The following PCDHA10 variants were observed in gnomAD, a reference collection of about 807,000 sequenced individuals.
PCDHA10 encodes the protein protocadherin alpha 10.
PCDHA10 carries 45 observed loss-of-function variants against 61.2 expected under a neutral mutation model. The ratio of observed to expected loss-of-function variants is 0.74; its 90% CI spans 0.58 to 0.94. The LOEUF (loss-of-function observed/expected upper bound fraction) is 0.94. PCDHA10 is among the 40% of genes least tolerant of loss of function. The pLI is 0.00. For missense variants in PCDHA10, 1,278 were observed against 1,236.2 expected (o/e 1.03, Z -0.51); for synonymous variants, 602 against 548.8 (o/e 1.10, Z -1.35).
chr5:140,919,666 A>G (rs1247598579), intron 1 of PCDHA10, among the ~76,000 whole-genome samples: 1 of 152,154 alleles, frequency 6.6e-6, no homozygotes. Context: ...TATATATTTT[A>G]GCTTATTGGT....
At chr5:140,870,524 TCA>T (rs782755570) in intron 1 of PCDHA10, 1 of 1,614,194 alleles carries the variant, frequency 6.2e-7, no homozygotes, top group Non-Finnish European at 8.5e-7. Context: ...TGCCACATCT[TCA>T]CAGTGTCGGC....
intron 1 of PCDHA10, chr5:140,875,640 G>A (rs782266115): frequency 2.5e-6 from 4 of 1,613,688 alleles, no homozygotes; most frequent in Non-Finnish European, 3.4e-6. Context: ...GGCTGGAGCT[G>A]GCGGAGCTGG....
chr5:140,972,540 T>G (rs1375467339), intron 1 of PCDHA10, among the ~76,000 whole-genome samples: 2 of 152,148 alleles, frequency 1.3e-5, no homozygotes, highest in Non-Finnish European at 2.9e-5. Flanking sequence ...AAATCACTTG[T>G]GCAGTGAGGA....
chr5:140,936,987 T>A (rs996790487), intron 1 of PCDHA10, among the ~76,000 whole-genome samples: 1 of 152,170 alleles, frequency 6.6e-6, no homozygotes, highest in Non-Finnish European at 1.5e-5. Flanking sequence ...CTTGTTAACA[T>A]TGACAATATT....
chr5:140,942,443 A>G (rs1204508547), intron 1 of PCDHA10, among the ~76,000 whole-genome samples: 2 of 152,100 alleles, frequency 1.3e-5, no homozygotes, highest in African/African-American at 4.8e-5. Flanking sequence ...ATAAACAAGT[A>G]AACTATCAAT....
At chr5:140,998,522 A>G (rs2097818629) in intron 3 of PCDHA10, among the ~76,000 whole-genome samples, 1 of 151,980 alleles carries the variant, frequency 6.6e-6, no homozygotes, top group South Asian at 2.1e-4. Context: ...TATTATTCAT[A>G]TTTATATCCC....
intron 1 of PCDHA10, among the ~76,000 whole-genome samples, chr5:140,934,143 A>T (rs1335256190): frequency 6.6e-6 from 1 of 152,000 alleles, no homozygotes; most frequent in Non-Finnish European, 1.5e-5. Context: ...TTCCTTCCTT[A>T]TATGTTTATA....
chr5:140,961,760 A>G (rs1563318527), intron 1 of PCDHA10, among the ~76,000 whole-genome samples: 3 of 152,172 alleles, frequency 2.0e-5, no homozygotes. Context: ...TTTTGAAGGA[A>G]TTTATATCAA....
At chr5:140,990,778 T>C (rs2097414170) in intron 3 of PCDHA10, among the ~76,000 whole-genome samples, 1 of 152,208 alleles carries the variant, frequency 6.6e-6, no homozygotes, top group South Asian at 2.1e-4. Flanking sequence ...GGCTCTGTGT[T>C]GGACGATGAA....
intron 1 of PCDHA10, among the ~76,000 whole-genome samples, chr5:140,895,037 C>G (rs28619398): frequency 6.6e-6 from 1 of 152,134 alleles, no homozygotes; most frequent in Non-Finnish European, 1.5e-5. Context: ...TTGTCCCCCA[C>G]CCACACCATT....
rs187844001 is a variant in PCDHA10 at position 140,981,487 on chromosome 5, T to C, written c.2448-988T>C. On this transcript the variant is annotated intron_variant, in intron 2 of 3. Coordinates refer to ENST00000307360, the MANE Select transcript of PCDHA10 (RefSeq NM_018901.4). ...TACTTGGGAGGCTGAGGCAGGAGAA[T>C]TGCTTGAACCTGGGAGGCAGAGGTT... Among the ~76,000 whole-genome samples the C allele has an allele frequency of 5.5e-3, 843 of 152,250 alleles. 8 individuals carry two copies. Among genetic ancestry groups the C allele is most frequent in the African/African-American group, 0.019 (806 of 41,542 alleles).
In PCDHA10 at chr5:140,876,844, C is replaced by A. The variant is rs200154646; in HGVS notation, c.2388+18408C>A. ...CGACAATGCGCCTGCGTTCGCGCAGCCCGAGTACACAGTGTTCGTGAAGGA... is the reference window on the plus strand; with the variant it reads ...CGACAATGCGCCTGCGTTCGCGCAGACCGAGTACACAGTGTTCGTGAAGGA... On this transcript the variant is annotated intron_variant, in intron 1 of 3. Coordinates refer to ENST00000307360, the MANE Select transcript of PCDHA10 (RefSeq NM_018901.4). The A allele has an allele frequency of 3.6e-5, 58 of 1,614,134 alleles. No homozygotes were observed. In the East Asian group the frequency reaches 1.2e-3, roughly 32 times the overall value.
At chr5:140,926,165 T>A (rs570168495) in intron 1 of PCDHA10, among the ~76,000 whole-genome samples, 31 of 151,794 alleles carry the variant, frequency 2.0e-4, no homozygotes, top group Admixed American at 1.5e-3. Flanking sequence ...TGCAGCAGGA[T>A]CCAGCGCGGA....
intron 1 of PCDHA10, among the ~76,000 whole-genome samples, chr5:140,963,754 T>C (rs190216638): frequency 2.3e-4 from 35 of 152,374 alleles, no homozygotes; most frequent in Admixed American, 7.2e-4. Flanking sequence ...TGATAATAAA[T>C]TGTTGTATTT....
At chr5:140,980,856 G>A (rs559833499) in intron 2 of PCDHA10, among the ~76,000 whole-genome samples, 2 of 152,004 alleles carry the variant, frequency 1.3e-5, no homozygotes, top group African/African-American at 2.4e-5. Context: ...AATCTTTTTC[G>A]TATGTGTGCT....
intron 1 of PCDHA10, among the ~76,000 whole-genome samples, chr5:140,947,863 G>A (rs1438094304): frequency 6.6e-6 from 1 of 151,230 alleles, no homozygotes; most frequent in Non-Finnish European, 1.5e-5. Flanking sequence ...CATTATAATG[G>A]CTAGGACTTC....
chr5:140,919,357 G>C (rs1158844072), intron 1 of PCDHA10, among the ~76,000 whole-genome samples: 3 of 152,148 alleles, frequency 2.0e-5, no homozygotes, highest in Non-Finnish European at 4.4e-5. Flanking sequence ...GAATCTAAAA[G>C]TGTCTCCTGC....
At chr5:140,980,279 AAAAGTACC>A (rs1554241598) in intron 2 of PCDHA10, among the ~76,000 whole-genome samples, 2 of 152,236 alleles carry the variant, frequency 1.3e-5, no homozygotes, top group African/African-American at 4.8e-5. Flanking sequence ...CCAACTCTTG[AAAAGTACC>A]AAAGCTATGA....
chr5:141,009,709 C>T lies in PCDHA10; in HGVS notation c.2619C>T (p.Asn873=). The part of the protein sequence containing the change: ...NSWTFKYGPG[N]PKQSGPGELP... ...GGACCTTTAAATACGGACCAGGCAA[C>T]CCCAAACAATCCGGTCCCGGTGAGT... The change falls in exon 4 of 4, where the codon AAC becomes AAT. Residue 873 remains asparagine (N), a synonymous_variant. Coordinates refer to ENST00000307360, the MANE Select transcript of PCDHA10 (RefSeq NM_018901.4). 1 of 1,614,118 alleles carries T rather than the reference C, an allele frequency of 6.2e-7. No homozygotes were observed. Among genetic ancestry groups the T allele is most frequent in the Non-Finnish European group, 8.5e-7 (1 of 1,180,024 alleles).
Sources: gnomAD v4.1 joint callset for allele counts (sites outside exome capture counted in the v4.1 genomes callset) on GRCh38, gnomAD v4.1.1 for gene constraint, MANE v1.5 for transcripts, NCBI Gene and HGNC (gene_info 2026-07-23, HGNC 2026-07-21) for gene names.